The following NEK10 variants were observed in gnomAD, a reference collection of about 807,000 sequenced individuals.
The protein encoded by NEK10 is serine/threonine-protein kinase Nek10.
A neutral mutation model predicts 159.8 loss-of-function variants in NEK10; 122 were observed. The ratio of observed to expected loss-of-function variants is 0.76; its 90% CI spans 0.66 to 0.89. The LOEUF (loss-of-function observed/expected upper bound fraction) is 0.89. NEK10 is among the 40% of genes least tolerant of loss of function. The pLI is 0.00. For missense variants in NEK10, 1,342 were observed against 1,323.1 expected, an observed-to-expected ratio of 1.01 and a Z score of -0.22; for synonymous variants, 466 against 457.1, an observed-to-expected ratio of 1.02 and a Z score of -0.25.
At chr3:27,194,941 G>C (rs192520628) in intron 25 of NEK10, among the ~76,000 whole-genome samples, 1 of 152,202 alleles carries the variant, frequency 6.6e-6, no homozygotes, top group Non-Finnish European at 1.5e-5. Flanking sequence ...AACTCCTCAG[G>C]GTTGCTAAGT....
chr3:27,360,914 T>C (rs906693502), intron 1 of NEK10, among the ~76,000 whole-genome samples: 1 of 152,242 alleles, frequency 6.6e-6, no homozygotes, highest in Non-Finnish European at 1.5e-5. Context: ...TTAAGCAATT[T>C]TCTATTTTAT....
chr3:27,134,158 G>T (rs1439561156), intron 31 of NEK10, among the ~76,000 whole-genome samples: 1 of 152,088 alleles, frequency 6.6e-6, no homozygotes, highest in Non-Finnish European at 1.5e-5. Context: ...GAGTATAAAT[G>T]ATATATGTGT....
intron 3 of NEK10, among the ~76,000 whole-genome samples, chr3:27,347,241 G>A (rs112465251): frequency 0.017 from 2,522 of 152,152 alleles, 78 homozygotes; most frequent in African/African-American, 0.058. Flanking sequence ...TCAGCCAGGC[G>A]TAGTGGCTCA....
At chr3:27,150,168 A>T (rs1005866467) in intron 30 of NEK10, among the ~76,000 whole-genome samples, 1 of 152,224 alleles carries the variant, frequency 6.6e-6, no homozygotes, top group Non-Finnish European at 1.5e-5. Context: ...TTTCCATAAC[A>T]TAAAAGTACA....
chr3:27,341,872 A>G (rs749190397), intron 5 of NEK10, among the ~76,000 whole-genome samples: 3 of 152,204 alleles, frequency 2.0e-5, no homozygotes, highest in Non-Finnish European at 4.4e-5. Context: ...TAAATTCCCA[A>G]TAAGTCATAT....
Position 27,287,701 on chromosome 3 carries a change from C to A in NEK10, c.1786G>T (p.Glu596Ter). The A allele has an allele frequency of 6.4e-7, 1 of 1,563,162 alleles. No individual in the cohort carries two copies. Among genetic ancestry groups the A allele is most frequent in the South Asian group, 1.2e-5 (1 of 82,146 alleles). ...NIVRYYKTFLENDRLYIVMEL... is the reference protein window; with the variant it reads ...NIVRYYKTFL ...TATCATGAAAACTCATACTTACTTT[C>A]CAGAAATGTTTTGTAATAACGTACA... Residue 596 changes from glutamate (E) to a stop codon, truncating the protein, a stop_gained, in exon 20 of 36, where the codon GAA becomes TAA. Coordinates refer to ENST00000691995, the MANE Select transcript of NEK10 (RefSeq NM_001394966.1). LOFTEE classifies it high-confidence loss of function.
At chr3:27,358,058 G>C (rs1398109182) in intron 1 of NEK10, among the ~76,000 whole-genome samples, 2 of 152,154 alleles carry the variant, frequency 1.3e-5, no homozygotes, top group African/African-American at 4.8e-5. Flanking sequence ...ATGAGATTAG[G>C]CCAAAAACTT....
rs565030912 is a variant in NEK10, at chr3:27,122,304, C to G, written c.3082-2436G>C. Among the ~76,000 whole-genome samples, 7 of 152,254 alleles carry G rather than the reference C, an allele frequency of 4.6e-5. No individual in the cohort carries two copies. The East Asian group carries it at 1.3e-3, about 29-fold the overall frequency. ...ACCATGATTGTAAGTTTCCTGAGGC[C>G]TCCCCAGCCATGTGGAACTGTGAGT... On this transcript the variant is annotated intron_variant, in intron 32 of 35. Coordinates refer to ENST00000691995, the MANE Select transcript of NEK10 (RefSeq NM_001394966.1).
At chr3:27,195,873 T>C (rs1161504362) in intron 25 of NEK10, among the ~76,000 whole-genome samples, 2 of 152,322 alleles carry the variant, frequency 1.3e-5, no homozygotes, top group African/African-American at 2.4e-5. Flanking sequence ...AATATCATTA[T>C]TAATACTAAT....
intron 35 of NEK10, among the ~76,000 whole-genome samples, chr3:27,113,348 T>A (rs749264381): frequency 6.7e-6 from 1 of 148,616 alleles, no homozygotes; most frequent in Non-Finnish European, 1.5e-5. Flanking sequence ...GGAGAATCGC[T>A]TGAACCCAGG....
In NEK10 at chr3:27,107,598, A is replaced by G. The variant is rs1353375449; in HGVS notation, c.*3674T>C. Among the ~76,000 whole-genome samples, 1 of 152,206 alleles carries G rather than the reference A, an allele frequency of 6.6e-6. No individual in the cohort carries two copies. The highest frequency in any genetic ancestry group is 6.5e-5 in the Admixed American group (1 of 15,284). On this transcript the variant is annotated 3_prime_UTR_variant, in exon 36 of 36. Coordinates refer to ENST00000691995, the MANE Select transcript of NEK10 (RefSeq NM_001394966.1). ...TACATTTAGTTGTTGAACATGAAGA[A>G]TTTTATATTTGGACAAAATTTCACC...
At chr3:27,174,008 G>T (rs1047714537) in intron 28 of NEK10, among the ~76,000 whole-genome samples, 2 of 151,550 alleles carry the variant, frequency 1.3e-5, no homozygotes, top group Non-Finnish European at 2.9e-5. Flanking sequence ...TTATTTTATT[G>T]TTTTAAATGT....
At chr3:27,114,544 GAGA>G (rs1329240831) in intron 35 of NEK10, among the ~76,000 whole-genome samples, 2 of 152,110 alleles carry the variant, frequency 1.3e-5, no homozygotes, top group Non-Finnish European at 2.9e-5. Context: ...CTTGAAATGG[GAGA>G]AGTAGAAGAA....
chr3:27,258,205 T>C (rs187464200), intron 22 of NEK10, among the ~76,000 whole-genome samples: 13 of 152,218 alleles, frequency 8.5e-5, no homozygotes, highest in Non-Finnish European at 1.5e-4. Flanking sequence ...TATATGCAAA[T>C]GTCATGTATG....
rs368440746 is a variant in NEK10 at position 27,265,935 on chromosome 3, T to C, written c.2015-9564A>G. On this transcript the variant is annotated intron_variant, in intron 22 of 35. Coordinates refer to ENST00000691995, the MANE Select transcript of NEK10 (RefSeq NM_001394966.1). The stretch of plus-strand genomic sequence containing the variant: ...CATTCTCCTGCCTCAGCCTCCCGAG[T>C]AGCTGGGACTACAGGTGTCCGCCAC... 1.5e-4 allele frequency among the ~76,000 whole-genome samples: 22 copies of C among 151,250 alleles called. 2 individuals carry two copies. The highest frequency in any genetic ancestry group is 1.4e-3 in the East Asian group (7 of 5,136).
At chr3:27,310,454 C>G (rs1450165573) in intron 9 of NEK10, 1 of 152,282 alleles carries the variant, frequency 6.6e-6, no homozygotes, top group Non-Finnish European at 1.5e-5. Flanking sequence ...ATATGAAACT[C>G]AACAGGTTTC....
chr3:27,128,581 T>C (rs1942242357), intron 32 of NEK10, among the ~76,000 whole-genome samples: 2 of 152,122 alleles, frequency 1.3e-5, no homozygotes, highest in Admixed American at 6.6e-5. Flanking sequence ...ATGTAAACAA[T>C]TTTCAATATA....
chr3:27,221,655 G>T (rs1023667979), intron 23 of NEK10, among the ~76,000 whole-genome samples: 1 of 152,216 alleles, frequency 6.6e-6, no homozygotes, highest in Non-Finnish European at 1.5e-5. Context: ...ACAAGGCTTT[G>T]CCCGGCAGAC....
intron 1 of NEK10, among the ~76,000 whole-genome samples, chr3:27,367,174 TATGTACATA>T (rs1356885092): frequency 3.3e-5 from 5 of 152,206 alleles, no homozygotes; most frequent in African/African-American, 1.2e-4. Flanking sequence ...TGGTATGAAT[TATGTACATA>T]TAATCTTTAA....
Sources: allele counts gnomAD v4.1 joint callset (sites outside exome capture counted in the v4.1 genomes callset), GRCh38; gene constraint gnomAD v4.1.1; transcripts MANE v1.5; gene names NCBI Gene and HGNC (gene_info 2026-07-23, HGNC 2026-07-21).